Variants in BTBD9 observed in about 807,000 individuals in gnomAD.
The protein encoded by BTBD9 is BTB domain containing 9.
Under a neutral mutation model 64.3 loss-of-function variants are expected in BTBD9, and 49 were observed. The ratio of observed to expected loss-of-function variants is 0.76; its 90% confidence interval spans 0.61 to 0.97. The LOEUF is 0.97. Among genes scored for constraint, BTBD9 ranks in the 50% least tolerant of loss-of-function variants. BTBD9 has a pLI of 0.00. For synonymous variants in BTBD9, 260 were observed against 274.7 expected (o/e 0.95, Z 0.53); for missense variants, 598 against 762.1 (o/e 0.78, Z 2.53).
chr6:38,346,136 C>G (rs1426891225), intron 6 of BTBD9, among the ~76,000 whole-genome samples: 1 of 152,144 alleles, frequency 6.6e-6, no homozygotes, highest in Non-Finnish European at 1.5e-5. Flanking sequence ...TTTTAGTAAT[C>G]TCCTCCCCTC....
At chr6:38,308,720 C>T (rs1442315960) in intron 7 of BTBD9, among the ~76,000 whole-genome samples, 2 of 152,132 alleles carry the variant, frequency 1.3e-5, no homozygotes, top group Non-Finnish European at 2.9e-5. Context: ...ATCCTCCCAC[C>T]TCAGCCTCTG....
At chr6:38,304,578 A>T (rs1400206381) in intron 7 of BTBD9, among the ~76,000 whole-genome samples, 2 of 151,622 alleles carry the variant, frequency 1.3e-5, no homozygotes, top group Non-Finnish European at 2.9e-5. Context: ...AAAAACCAAC[A>T]TCAAAAGAAT....
intron 9 of BTBD9, among the ~76,000 whole-genome samples, chr6:38,230,568 C>T (rs959407351): frequency 6.6e-6 from 1 of 151,694 alleles, no homozygotes; most frequent in African/African-American, 2.4e-5. Context: ...CCAATAACTC[C>T]CCCACCTTGT....
rs558506319 is a variant in BTBD9, at chr6:38,289,087, T to C, written c.1265-626A>G. On this transcript the variant is annotated intron_variant, in intron 7 of 10. Coordinates refer to ENST00000481247, the MANE Select transcript of BTBD9 (RefSeq NM_001099272.2). ...GGAAATTAATACAGAAAATTAAAAATAGCAGCCAGGCACGGTGGCTCACAC... is the reference window on the plus strand; with the variant it reads ...GGAAATTAATACAGAAAATTAAAAACAGCAGCCAGGCACGGTGGCTCACAC... 5.6e-4 allele frequency among the ~76,000 whole-genome samples: 84 copies of C among 149,402 alleles called. 2 individuals are homozygous for C. In the South Asian group the frequency reaches 6.0e-3, roughly 11 times the overall value.
intron 6 of BTBD9, among the ~76,000 whole-genome samples, chr6:38,449,788 T>TG: frequency 6.6e-6 from 1 of 151,996 alleles, no homozygotes; most frequent in African/African-American, 2.4e-5. Flanking sequence ...TCAAAATGGA[T>TG]TGAAGCCTTA....
At chr6:38,323,111 G>T (rs931833416) in intron 7 of BTBD9, among the ~76,000 whole-genome samples, 3 of 152,256 alleles carry the variant, frequency 2.0e-5, no homozygotes, top group Non-Finnish European at 4.4e-5. Context: ...TAACAAGATT[G>T]GGTGTGCACT....
rs3833669 is a variant in BTBD9, at chr6:38,169,899, TAAA to T, written c.*5083_*5085del. 2 of 151,616 alleles carry T rather than the reference TAAA, an allele frequency of 1.3e-5. No homozygotes were observed. Among genetic ancestry groups the T allele is most frequent in the Non-Finnish European group, 2.9e-5 (2 of 67,892 alleles). 9.4% of individuals were successfully genotyped at this position (151,616 alleles called of 1,614,324 possible). The stretch of plus-strand genomic sequence containing the variant: ...CCTCTTGGGGACTATTTCAGTTCTT[TAAA>T]AAAAAGAAGACACGAAGCTGATGGG... On this transcript the variant is annotated 3_prime_UTR_variant, in exon 11 of 11. Transcript: ENST00000481247.
At chr6:38,433,055 T>C (rs1768514036) in intron 6 of BTBD9, among the ~76,000 whole-genome samples, 1 of 151,992 alleles carries the variant, frequency 6.6e-6, no homozygotes, top group Non-Finnish European at 1.5e-5. Flanking sequence ...AAGATAGCCC[T>C]ATATGATCAG....
At chr6:38,533,102 G>A (rs1050736838) in intron 6 of BTBD9, among the ~76,000 whole-genome samples, 1 of 151,770 alleles carries the variant, frequency 6.6e-6, no homozygotes. Context: ...AAGAATGGTT[G>A]AATGGATTAA....
intron 6 of BTBD9, among the ~76,000 whole-genome samples, chr6:38,351,515 T>G (rs1225951527): frequency 7.0e-6 from 1 of 143,644 alleles, no homozygotes; most frequent in African/African-American, 2.6e-5. Flanking sequence ...TTGTTTTTTT[T>G]TTTTTTTTTT....
chr6:38,395,899 T>A (rs915807400), intron 6 of BTBD9, among the ~76,000 whole-genome samples: 1 of 152,054 alleles, frequency 6.6e-6, no homozygotes, highest in Non-Finnish European at 1.5e-5. Flanking sequence ...TTAGTAGAGA[T>A]GGGGTTTCAC....
At chr6:38,386,788 G>A (rs1766191980) in intron 6 of BTBD9, among the ~76,000 whole-genome samples, 1 of 151,894 alleles carries the variant, frequency 6.6e-6, no homozygotes, top group Non-Finnish European at 1.5e-5. Context: ...GACTACAGGT[G>A]TATGCACAAC....
chr6:38,508,798 CAT>C (rs1232835180), intron 6 of BTBD9, among the ~76,000 whole-genome samples: 1 of 152,144 alleles, frequency 6.6e-6, no homozygotes, highest in African/African-American at 2.4e-5. Context: ...GCAGTCCATA[CAT>C]GTTATTCCCC....
At chr6:38,339,002 A>C (rs1380452062) in intron 7 of BTBD9, among the ~76,000 whole-genome samples, 1 of 152,234 alleles carries the variant, frequency 6.6e-6, no homozygotes, top group Non-Finnish European at 1.5e-5. Context: ...TCTTTATCAT[A>C]CAATACCAGG....
chr6:38,419,303 G>C (rs1767803094), intron 6 of BTBD9, among the ~76,000 whole-genome samples: 1 of 152,142 alleles, frequency 6.6e-6, no homozygotes, highest in South Asian at 2.1e-4. Flanking sequence ...CTTTGTGAGG[G>C]AATGAAAATG....
At chr6:38,495,536 C>T (rs1044464415) in intron 6 of BTBD9, among the ~76,000 whole-genome samples, 1 of 152,200 alleles carries the variant, frequency 6.6e-6, no homozygotes, top group African/African-American at 2.4e-5. Flanking sequence ...GTTCTGGAAG[C>T]AAACACACTG....
intron 7 of BTBD9, among the ~76,000 whole-genome samples, chr6:38,323,839 C>G (rs1234407821): frequency 6.7e-6 from 1 of 149,582 alleles, no homozygotes; most frequent in Non-Finnish European, 1.5e-5. Flanking sequence ...TGGCTCACAC[C>G]TGTAATTCCA....
chr6:38,192,915 G>A (rs1483959545), intron 9 of BTBD9, among the ~76,000 whole-genome samples: 1 of 119,376 alleles, frequency 8.4e-6, no homozygotes, highest in Non-Finnish European at 1.7e-5. Context: ...AGGGGTGGGG[G>A]GAGGGGGGAG....
At position 38,498,457 on chromosome 6, in the gene BTBD9, T is replaced by TAAAA. The variant is rs11393821; in HGVS notation, c.1154+79139_1154+79142dup. On this transcript the variant is annotated intron_variant, in intron 6 of 10. Transcript: ENST00000481247. ...GGTTCTATCTTTTTCTATCTAGTAC[T>TAAAA]AAAAAAAAAAAAAAAAAACAAGGCA... Among the ~76,000 whole-genome samples the TAAAA allele has an allele frequency of 5.6e-3, 746 of 132,592 alleles. 6 individuals carry two copies. The highest frequency in any genetic ancestry group is 9.1e-3 in the Non-Finnish European group (576 of 63,612). 87.0% of individuals were successfully genotyped at this position (132,592 alleles called of 152,430 possible).
Sources: gnomAD v4.1 joint callset for allele counts (sites outside exome capture counted in the v4.1 genomes callset) on GRCh38, gnomAD v4.1.1 for gene constraint, MANE v1.5 for transcripts, NCBI Gene and HGNC (gene_info 2026-07-23, HGNC 2026-07-21) for gene names.